Variants in TSG101 observed in about 807,000 individuals in gnomAD.
TSG101 encodes the protein tumor susceptibility gene 101 protein.
TSG101 carries 19 observed loss-of-function variants against 48.5 expected under a neutral mutation model. The observed-to-expected ratio is 0.39, with a 90% CI of 0.27 to 0.58. TSG101 has a LOEUF of 0.58. TSG101 is among the 20% of genes least tolerant of loss of function. The pLI is 0.55. For synonymous variants in TSG101, 174 were observed against 169.4 expected (o/e 1.03, Z -0.21); for missense variants, 365 against 484.4 (o/e 0.75, Z 2.31).
At chr11:18,521,762 C>T (rs191298190) in intron 1 of TSG101, among the ~76,000 whole-genome samples, 5 of 149,034 alleles carry the variant, frequency 3.4e-5, no homozygotes, top group African/African-American at 1.2e-4. Context: ...CTGCAACCTC[C>T]ACCTCCCAGG....
chr11:18,513,650 A>T (rs1440458763), intron 4 of TSG101, among the ~76,000 whole-genome samples: 1 of 152,138 alleles, frequency 6.6e-6, no homozygotes, highest in Non-Finnish European at 1.5e-5. Flanking sequence ...TAAAAGTCCT[A>T]GTTACTTTGG....
Position 18,506,931 on chromosome 11 carries a change from C to T in TSG101, c.482-8G>A, listed in dbSNP as rs1213311789. On this transcript the variant is annotated splice_region_variant and splice_polypyrimidine_tract_variant and intron_variant, in intron 5 of 9. Coordinates refer to ENST00000251968, the MANE Select transcript of TSG101 (RefSeq NM_006292.4). ...TGCCTGGCATGTAGGAAGCTAAAAA[C>T]AATTTTTTTCACATTGTAAAAATAA... 1 of 1,603,754 alleles carries T rather than the reference C, an allele frequency of 6.2e-7. No individual in the cohort carries two copies. Among genetic ancestry groups the T allele is most frequent in the Non-Finnish European group, 8.5e-7 (1 of 1,173,724 alleles).
intron 3 of TSG101, among the ~76,000 whole-genome samples, chr11:18,515,248 C>T (rs948177655): frequency 6.6e-6 from 1 of 152,110 alleles, no homozygotes; most frequent in African/African-American, 2.4e-5. Context: ...CTATCTGTTC[C>T]CTTTGTTTCC....
At chr11:18,522,975 A>G (rs577084514) in intron 1 of TSG101, among the ~76,000 whole-genome samples, 3 of 151,960 alleles carry the variant, frequency 2.0e-5, no homozygotes, top group Non-Finnish European at 4.4e-5. Flanking sequence ...CTGCAACCTC[A>G]AACTCCTGGG....
chr11:18,481,005 G>GAGAT (rs746256097), intron 9 of TSG101, among the ~76,000 whole-genome samples: 1 of 152,138 alleles, frequency 6.6e-6, no homozygotes, highest in African/African-American at 2.4e-5. Flanking sequence ...ACAGTGAGAG[G>GAGAT]AGATAGGCAA....
intron 4 of TSG101, 70 bp downstream of exon 4, chr11:18,514,608 A>T: frequency 7.4e-7 from 1 of 1,342,598 alleles, no homozygotes; most frequent in Non-Finnish European, 9.8e-7. Context: ...TTGAGTGCTA[A>T]AAGAAAGCAG....
intron 6 of TSG101, 78 bp from the exon 7 acceptor site, chr11:18,502,655 G>T (rs1849908407): frequency 8.7e-7 from 1 of 1,150,554 alleles, no homozygotes; most frequent in Non-Finnish European, 1.2e-6. Flanking sequence ...CATTCAGGAA[G>T]TTAAGCTTGA....
chr11:18,525,738 A>T (rs1197489140), intron 1 of TSG101: 18 of 939,574 alleles, frequency 1.9e-5, no homozygotes, highest in Non-Finnish European at 2.3e-5. Context: ...AAAACCAAGA[A>T]GCCTAAAATA....
In TSG101 at chr11:18,526,643, G is replaced by T. The variant is rs1289161659; in HGVS notation, c.42+132C>A. On this transcript the variant is annotated intron_variant, in intron 1 of 9. Transcript: ENST00000251968. ...AGGCGCCTCGGGGCGGGGTTCTGAG[G>T]AGGTCGCTAAGGACTGCACCGGGGC... 6.6e-6 allele frequency: 7 copies of T among 1,062,868 alleles called. No homozygotes were observed. In the South Asian group the frequency reaches 1.1e-4, roughly 17 times the overall value. The allele number at this position is 1,062,868 out of a possible 1,614,324, so 65.8% of individuals were successfully genotyped here.
chr11:18,522,909 T>C (rs2133935269), intron 1 of TSG101, among the ~76,000 whole-genome samples: 1 of 152,316 alleles, frequency 6.6e-6, no homozygotes, highest in South Asian at 2.1e-4. Context: ...GTTTTTTTCT[T>C]GACAGGATCT....
chr11:18,519,049 G>A (rs995974714), intron 2 of TSG101, among the ~76,000 whole-genome samples: 1 of 152,138 alleles, frequency 6.6e-6, no homozygotes, highest in African/African-American at 2.4e-5. Flanking sequence ...TGCCCAGGCT[G>A]GAGTGCAGTG....
At chr11:18,521,359 C>CTTTTTTTT (rs917563952) in intron 1 of TSG101, among the ~76,000 whole-genome samples, 5 of 99,832 alleles carry the variant, frequency 5.0e-5, no homozygotes, top group South Asian at 4.4e-4. Context: ...AAACTGATTC[C>CTTTTTTTT]TTTTTTTTTT....
intron 3 of TSG101, 88 bp downstream of exon 3, chr11:18,516,011 G>C: frequency 8.6e-7 from 1 of 1,161,814 alleles, no homozygotes; most frequent in Non-Finnish European, 1.2e-6. Context: ...CCCTGAGAAA[G>C]TAGGTTTAAT....
At chr11:18,499,156 G>C (rs1314061962) in intron 7 of TSG101, among the ~76,000 whole-genome samples, 1 of 145,796 alleles carries the variant, frequency 6.9e-6, no homozygotes, top group South Asian at 2.1e-4. Context: ...TCCAATAGTG[G>C]TGGCAGGAAA....
At chr11:18,483,728 T>C in intron 8 of TSG101, 142 bp downstream of exon 8, 1 of 852,346 alleles carries the variant, frequency 1.2e-6, no homozygotes, top group South Asian at 1.7e-5. Flanking sequence ...AACAAAGGTA[T>C]AAAAAATTAC....
At chr11:18,490,467 C>T in intron 7 of TSG101, 1 of 528,154 alleles carries the variant, frequency 1.9e-6, no homozygotes, top group Admixed American at 2.5e-5. Context: ...CAGACCAAGT[C>T]AAACTGGATG....
chr11:18,481,184 C>T (rs1382984110), intron 9 of TSG101: 2 of 731,380 alleles, frequency 2.7e-6, no homozygotes, highest in Non-Finnish European at 3.3e-6. Context: ...AGACAACTTT[C>T]ATACAAGAGG....
chr11:18,505,132 C>A (rs917092661), intron 6 of TSG101, among the ~76,000 whole-genome samples: 3 of 152,080 alleles, frequency 2.0e-5, no homozygotes, highest in Non-Finnish European at 2.9e-5. Flanking sequence ...GTTCAGAAAT[C>A]TGGCTGCATT....
chr11:18,498,257 GGACTGAACTC>G (rs1453380139), intron 7 of TSG101, among the ~76,000 whole-genome samples: 36 of 152,254 alleles, frequency 2.4e-4, no homozygotes, highest in Non-Finnish European at 1.2e-4. Flanking sequence ...CAAGAACTTT[GGACTGAACTC>G]TGAGTGAAAC....
Sources: gnomAD v4.1 joint callset for allele counts (sites outside exome capture counted in the v4.1 genomes callset) on GRCh38, gnomAD v4.1.1 for gene constraint, MANE v1.5 for transcripts, NCBI Gene and HGNC (gene_info 2026-07-23, HGNC 2026-07-21) for gene names.